UTP4: variants seen among roughly 807,000 people sequenced by gnomAD.
The protein encoded by UTP4 is U3 small nucleolar RNA-associated protein 4 homolog.
In UTP4, 45 loss-of-function variants were observed where a neutral mutation model predicts 82.4. That is an observed-to-expected ratio of 0.55 (90% CI 0.43 to 0.70). The LOEUF is 0.70. Among genes scored for constraint, UTP4 ranks in the 30% least tolerant of loss-of-function variants. The pLI is 0.00. For synonymous variants in UTP4, 348 were observed against 300.3 expected (o/e 1.16, Z -1.64); for missense variants, 819 against 858.3 (o/e 0.95, Z 0.57).
intron 5 of UTP4, among the ~76,000 whole-genome samples, chr16:69,141,115 G>T (rs1962948193): frequency 6.6e-6 from 1 of 152,130 alleles, no homozygotes; most frequent in South Asian, 2.1e-4. Context: ...AAGTCCATCT[G>T]ATTTTCTTTC....
chr16:69,136,944 T>C (rs1420105224), intron 3 of UTP4, 57 bp downstream of exon 3: 33 of 1,436,768 alleles, frequency 2.3e-5, no homozygotes, highest in Non-Finnish European at 3.0e-5. Flanking sequence ...CTGCTCAGAC[T>C]TTCTTCCCTG....
intron 1 of UTP4, 146 bp from the exon 2 acceptor site, chr16:69,133,312 G>A (rs1243962844): frequency 3.9e-6 from 3 of 762,324 alleles, no homozygotes; most frequent in Non-Finnish European, 6.8e-6. Context: ...CTTGTGGGGG[G>A]CATTGTTAGC....
chr16:69,166,892 C>G, intron 15 of UTP4, 183 bp from the exon 16 acceptor site: 1 of 597,836 alleles, frequency 1.7e-6, no homozygotes, highest in Non-Finnish European at 3.0e-6. Context: ...TTTTTCCCCC[C>G]TAGTTTTTCT....
chr16:69,139,853 C>A lies in UTP4; in HGVS notation c.465C>A (p.Pro155=). ...KSRILSLSWH[P]SGTHIAAGSI... is the part of the protein sequence containing the mutation. ...GCATCCTGAGTCTCAGCTGGCATCC[C>A]TCTGGTACCCACATTGCAGCTGGTT... The change falls in exon 5 of 17, where the codon CCC becomes CCA. Residue 155 remains proline, a synonymous_variant. Transcript: ENST00000314423. 1 of 1,613,910 alleles carries A rather than the reference C, an allele frequency of 6.2e-7. No homozygotes were observed. Among genetic ancestry groups the A allele is most frequent in the Non-Finnish European group, 8.5e-7 (1 of 1,179,854 alleles).
At chr16:69,163,432 A>G (rs1963614754) in intron 14 of UTP4, among the ~76,000 whole-genome samples, 1 of 152,096 alleles carries the variant, frequency 6.6e-6, no homozygotes, top group African/African-American at 2.4e-5. Context: ...GGGAGGAGGA[A>G]TTTTGAAGTA....
intron 4 of UTP4, among the ~76,000 whole-genome samples, chr16:69,138,696 T>C (rs1422583276): frequency 6.6e-6 from 1 of 152,230 alleles, no homozygotes; most frequent in Non-Finnish European, 1.5e-5. Flanking sequence ...ATAGTAAACA[T>C]TTTAGGCTTT....
chr16:69,136,352 G>A (rs777749273), intron 2 of UTP4, among the ~76,000 whole-genome samples: 3 of 152,106 alleles, frequency 2.0e-5, no homozygotes, highest in Non-Finnish European at 4.4e-5. Context: ...GTCAGCCTCC[G>A]TAGTAGCTGG....
chr16:69,167,460 G>A, intron 16 of UTP4: 1 of 410,256 alleles, frequency 2.4e-6, no homozygotes, highest in South Asian at 2.3e-5. Context: ...TTGTTGTCAT[G>A]AGAGCTGGCT....
intron 4 of UTP4, among the ~76,000 whole-genome samples, chr16:69,138,447 A>G (rs1417798590): frequency 6.6e-6 from 1 of 152,130 alleles, no homozygotes; most frequent in African/African-American, 2.4e-5. Flanking sequence ...CATGTTGGCC[A>G]GGCTGGTCTC....
chr16:69,155,801 C>T (rs1351856296), intron 10 of UTP4, 70 bp from the exon 11 acceptor site: 11 of 1,555,060 alleles, frequency 7.1e-6, no homozygotes, highest in African/African-American at 4.1e-5. Context: ...GAGCTTGAGG[C>T]GTCATGTCCC....
At position 69,157,246 on chromosome 16, in the gene UTP4, A is replaced by C. The variant is rs201088638; in HGVS notation, c.1444+6A>C. The stretch of plus-strand genomic sequence containing the variant: ...TGCTTTCCAGCCTCAGTCAGGTGGG[A>C]ATCTGGTAACTGGCCATGGGGAGAC... On this transcript the variant is annotated splice_donor_region_variant and intron_variant, in intron 12 of 16. Coordinates refer to ENST00000314423, the MANE Select transcript of UTP4 (RefSeq NM_032830.3). The C allele has an allele frequency of 8.1e-5, 131 of 1,613,886 alleles. No homozygotes were observed. The Middle Eastern group carries it at 1.0e-3, about 12-fold the overall frequency.
At chr16:69,145,169 A>T (rs560242481) in intron 6 of UTP4, among the ~76,000 whole-genome samples, 11 of 152,082 alleles carry the variant, frequency 7.2e-5, no homozygotes, top group African/African-American at 2.7e-4. Flanking sequence ...AATAATAATA[A>T]TGATTTCACC....
Position 69,164,186 on chromosome 16 carries a change from TGG to T in UTP4, c.1647+1009_1647+1010del, listed in dbSNP as rs1332272254. ...GGCTTGAGCCACCGCGCCCGGCTGA[TGG>T]TCAGTTTTTACACTCACACATGCAC... On this transcript the variant is annotated intron_variant, in intron 14 of 16. Coordinates refer to ENST00000314423, the MANE Select transcript of UTP4 (RefSeq NM_032830.3). Among the ~76,000 whole-genome samples, 6 of 152,174 alleles carry T rather than the reference TGG, an allele frequency of 3.9e-5. No homozygotes were observed. The South Asian group carries it at 1.0e-3, about 26-fold the overall frequency.
intron 5 of UTP4, chr16:69,142,240 C>G (rs1357897005): frequency 6.6e-6 from 1 of 152,164 alleles, no homozygotes; most frequent in East Asian, 1.9e-4. Context: ...CCAGAATCTT[C>G]AGATCTTTTC....
chr16:69,134,853 A>C (rs964009758), intron 2 of UTP4, among the ~76,000 whole-genome samples: 2 of 150,616 alleles, frequency 1.3e-5, no homozygotes, highest in South Asian at 4.2e-4. Flanking sequence ...ATGCCTCGCT[A>C]ATTTTTTTAT....
chr16:69,144,722 T>G (rs1237145222), intron 6 of UTP4, among the ~76,000 whole-genome samples: 2 of 152,346 alleles, frequency 1.3e-5, no homozygotes, highest in African/African-American at 2.4e-5. Context: ...TTGATGTATG[T>G]TAAGGCCCTG....
intron 8 of UTP4, 139 bp downstream of exon 8, chr16:69,151,043 G>A (rs544257952): frequency 4.2e-6 from 3 of 713,038 alleles, no homozygotes; most frequent in Non-Finnish European, 7.3e-6. Context: ...GTTTGCTCTT[G>A]TTGCCCAGGC....
chr16:69,159,739 G>A (rs1329244560), intron 12 of UTP4, among the ~76,000 whole-genome samples: 2 of 151,912 alleles, frequency 1.3e-5, no homozygotes, highest in Non-Finnish European at 2.9e-5. Flanking sequence ...TGTAATCCCA[G>A]CACTTTGGGA....
chr16:69,139,013 G>C (rs988371749), intron 4 of UTP4: 1 of 140,116 alleles, frequency 7.1e-6, no homozygotes, highest in African/African-American at 2.7e-5. Flanking sequence ...TTGTCGCCCA[G>C]GCTGAAGTGC....
Sources: gnomAD v4.1 joint callset for allele counts (sites outside exome capture counted in the v4.1 genomes callset) on GRCh38, gnomAD v4.1.1 for gene constraint, MANE v1.5 for transcripts, NCBI Gene and HGNC (gene_info 2026-07-23, HGNC 2026-07-21) for gene names.